ZNF710: variants seen among roughly 807,000 people sequenced by gnomAD.
The protein encoded by ZNF710 is zinc finger protein 710.
A neutral mutation model predicts 50.6 loss-of-function variants in ZNF710; 13 were observed. The ratio of observed to expected loss-of-function variants is 0.26; its 90% CI spans 0.17 to 0.41. ZNF710 has a LOEUF of 0.41. ZNF710 is among the 10% of genes least tolerant of loss of function. ZNF710 has a pLI of 1.00. For synonymous variants in ZNF710, 383 were observed against 397.0 expected, an observed-to-expected ratio of 0.96 and a Z score of 0.42; for missense variants, 721 against 936.6, an observed-to-expected ratio of 0.77 and a Z score of 3.01.
At chr15:90,069,806 G>A (rs1260172383) in intron 2 of ZNF710, among the ~76,000 whole-genome samples, 1 of 151,948 alleles carries the variant, frequency 6.6e-6, no homozygotes, top group Non-Finnish European at 1.5e-5. Flanking sequence ...GCCTTGACCC[G>A]TACTCCCCTG....
chr15:90,054,364 G>T (rs1899742358), intron 1 of ZNF710, among the ~76,000 whole-genome samples: 1 of 152,180 alleles, frequency 6.6e-6, no homozygotes, highest in African/African-American at 2.4e-5. Context: ...TGAGGAGGAA[G>T]GGAAGCCATG....
intron 2 of ZNF710, among the ~76,000 whole-genome samples, chr15:90,070,664 C>A (rs147719147): frequency 6.6e-6 from 1 of 150,406 alleles, no homozygotes; most frequent in Admixed American, 6.6e-5. Context: ...AGAAAAAAAT[C>A]AAAAAATTAG....
At chr15:90,058,721 A>G (rs1899909245) in intron 1 of ZNF710, among the ~76,000 whole-genome samples, 2 of 144,576 alleles carry the variant, frequency 1.4e-5, no homozygotes, top group African/African-American at 5.8e-5. Flanking sequence ...ATATATATAC[A>G]CACATATACA....
At chr15:90,029,894 C>T (rs1157569109) in intron 1 of ZNF710, among the ~76,000 whole-genome samples, 2 of 151,600 alleles carry the variant, frequency 1.3e-5, no homozygotes, top group African/African-American at 2.4e-5. Context: ...GGATTACAGG[C>T]GTGACCCACC....
rs138101490 is a variant in ZNF710, at chr15:90,068,954, G to A, written c.1458+359G>A. On this transcript the variant is annotated intron_variant, in intron 2 of 4. Transcript: ENST00000268154. The surrounding 1 kb of genome is among the most constrained non-coding windows in gnomAD (Gnocchi z 5.0). ...CAAAAAAATTTAAACATGGCTAGGC[G>A]TGATGGCTCATGCCTGTAATCCCAG... Among the ~76,000 whole-genome samples, 1,837 of 151,782 alleles carry A rather than the reference G, an allele frequency of 0.012. 36 individuals are homozygous for A. The highest frequency in any genetic ancestry group is 0.041 in the African/African-American group (1,698 of 41,368).
At position 90,074,275 on chromosome 15, in the gene ZNF710, G is replaced by C; in HGVS notation, c.1810G>C (p.Gly604Arg). 6.2e-7 allele frequency: 1 copy of C among 1,613,426 alleles called. No individual in the cohort carries two copies. Among genetic ancestry groups the C allele is most frequent in the Non-Finnish European group, 8.5e-7 (1 of 1,179,998 alleles). Reference protein sequence around the residue: ...MKVKHGVMDIGLDSQDPMMEL... With the variant: ...MKVKHGVMDIRLDSQDPMMEL... Reference sequence around the variant, plus strand: ...GGTCAAGCATGGCGTCATGGACATCGGCCTGGACAGCCAAGGTGGGTGGGC... The same window carrying C: ...GGTCAAGCATGGCGTCATGGACATCCGCCTGGACAGCCAAGGTGGGTGGGC... The change falls in exon 4 of 5, where the codon GGC becomes CGC. Residue 604 changes from glycine to arginine, a missense_variant. Gly to Arg is a moderately radical substitution (Grantham distance 125). Coordinates refer to ENST00000268154, the MANE Select transcript of ZNF710 (RefSeq NM_198526.4).
rs1241010798 is a variant in ZNF710 at position 90,034,472 on chromosome 15, G to A, written c.-28-32638G>A. On this transcript the variant is annotated intron_variant, in intron 1 of 4. Transcript: ENST00000268154. This position sits in a 1 kb window ranked among gnomAD's most constrained non-coding sequence, Gnocchi z 4.0. ...TGTGTGTGTGTGTGTGTGTGTGTGT[G>A]TGTATTCTGTGCCTGTGGTGGTGGT... is the stretch of plus-strand genomic sequence containing the variant. Among the ~76,000 whole-genome samples, 2 of 135,516 alleles carry A rather than the reference G, an allele frequency of 1.5e-5. No individual in the cohort carries two copies. Among genetic ancestry groups the A allele is most frequent in the African/African-American group, 2.9e-5 (1 of 34,562 alleles). 88.9% of individuals were successfully genotyped at this position (135,516 alleles called of 152,430 possible). A position where few individuals can be genotyped will look rare whatever the true frequency, so the allele number is the denominator to read the frequency against.
chr15:90,013,469 G>T (rs894173673), intron 1 of ZNF710, among the ~76,000 whole-genome samples: 2 of 152,150 alleles, frequency 1.3e-5, no homozygotes, highest in African/African-American at 4.8e-5. Context: ...ATTCTTTGAG[G>T]TATAGGATGA....
rs1296640155 is a variant in ZNF710 at position 90,080,291 on chromosome 15, C to T, written c.*462C>T. ...GCTCCCCTCTGGCCAGTACTGCCCA[C>T]CTCTACCTTGTCCAGGCCCCCTTCC... On this transcript the variant is annotated 3_prime_UTR_variant, in exon 5 of 5. Coordinates refer to ENST00000268154, the MANE Select transcript of ZNF710 (RefSeq NM_198526.4). 4 of 154,862 alleles carry T rather than the reference C, an allele frequency of 2.6e-5. No homozygotes were observed. The highest frequency in any genetic ancestry group is 2.0e-4 in the Admixed American group (3 of 15,324). 9.6% of individuals were successfully genotyped at this position (154,862 alleles called of 1,614,324 possible).
chr15:90,030,889 C>G (rs545075952), intron 1 of ZNF710, among the ~76,000 whole-genome samples: 1 of 151,746 alleles, frequency 6.6e-6, no homozygotes, highest in Non-Finnish European at 1.5e-5. Flanking sequence ...CATGGTGGCG[C>G]GCGCCTGTAG....
intron 1 of ZNF710, among the ~76,000 whole-genome samples, chr15:90,031,543 CTG>C (rs1241428287): frequency 6.6e-6 from 1 of 152,242 alleles, no homozygotes; most frequent in Non-Finnish European, 1.5e-5. Context: ...AACTGTAACT[CTG>C]GTCTCTCAAC....
chr15:90,014,251 G>C (rs1018810068), intron 1 of ZNF710, among the ~76,000 whole-genome samples: 2 of 152,070 alleles, frequency 1.3e-5, no homozygotes, highest in Non-Finnish European at 2.9e-5. Flanking sequence ...CAGTACCATG[G>C]ATCAACTCTT....
chr15:90,015,044 C>G lies in ZNF710; in HGVS notation c.-29+13430C>G, dbSNP rs540630894. ...AGTAGCTGGGATTACAGGCATGCAC[C>G]ACTACCCCAGCTAATTTTGTACTTT... is the stretch of plus-strand genomic sequence containing the variant. On this transcript the variant is annotated intron_variant, in intron 1 of 4. Transcript: ENST00000268154. Among the ~76,000 whole-genome samples, 4 of 152,202 alleles carry G rather than the reference C, an allele frequency of 2.6e-5. No homozygotes were observed. The East Asian group carries it at 7.7e-4, about 29-fold the overall frequency.
chr15:90,019,187 CTTTTTT>C (rs11285838), intron 1 of ZNF710, among the ~76,000 whole-genome samples: 33 of 89,358 alleles, frequency 3.7e-4, no homozygotes, highest in African/African-American at 1.2e-3. Context: ...CTTTTTCTTT[CTTTTTT>C]TTTTTTTTTT....
At position 90,066,546 on chromosome 15, in the gene ZNF710, C is replaced by T. The variant is rs371510467; in HGVS notation, c.-28-564C>T. Reference sequence around the variant, plus strand: ...AGGCTGGAGTGCAGTGGCGCGATCTCGGCTCACTGCAACCTCCGCCTCCCA... The same window carrying T: ...AGGCTGGAGTGCAGTGGCGCGATCTTGGCTCACTGCAACCTCCGCCTCCCA... On this transcript the variant is annotated intron_variant, in intron 1 of 4. Transcript: ENST00000268154. 2.9e-4 allele frequency among the ~76,000 whole-genome samples: 41 copies of T among 142,768 alleles called. No homozygotes were observed. In the East Asian group the frequency reaches 5.0e-3, roughly 17 times the overall value. The allele number at this position is 142,768 out of a possible 152,430, so 93.7% of individuals were successfully genotyped here. A position where few individuals can be genotyped will look rare whatever the true frequency, so the allele number is the denominator to read the frequency against.
intron 1 of ZNF710, among the ~76,000 whole-genome samples, chr15:90,013,038 T>G (rs1230642014): frequency 2.6e-5 from 4 of 152,214 alleles, no homozygotes; most frequent in Non-Finnish European, 5.9e-5. Flanking sequence ...TTCTGCTGAC[T>G]TCCACTCATG....
In ZNF710 at chr15:90,008,432, A is replaced by G. The variant is rs948465280; in HGVS notation, c.-29+6818A>G. On this transcript the variant is annotated intron_variant, in intron 1 of 4. Coordinates refer to ENST00000268154, the MANE Select transcript of ZNF710 (RefSeq NM_198526.4). The stretch of plus-strand genomic sequence containing the variant: ...TACGTGTGTGTGTGTGTGTGTATAT[A>G]TATATATACATATATATATATGTAT... Among the ~76,000 whole-genome samples, 13 of 140,936 alleles carry G rather than the reference A, an allele frequency of 9.2e-5. No individual in the cohort carries two copies. In the East Asian group the frequency reaches 2.5e-3, roughly 28 times the overall value. 92.5% of individuals were successfully genotyped at this position (140,936 alleles called of 152,430 possible).
rs1375793452 is a variant in ZNF710 at position 90,074,284 on chromosome 15, A to T, written c.1819A>T (p.Ser607Cys). The T allele has an allele frequency of 1.9e-6, 3 of 1,613,162 alleles. No individual in the cohort carries two copies. The highest frequency in any genetic ancestry group is 2.5e-6 in the Non-Finnish European group (3 of 1,179,994). ...KHGVMDIGLDSQDPMMELTGT... is the reference protein window; with the variant it reads ...KHGVMDIGLDCQDPMMELTGT... ...TGGCGTCATGGACATCGGCCTGGAC[A>T]GCCAAGGTGGGTGGGCCAAGCGCAA... The change falls in exon 4 of 5, where the codon AGC (serine) becomes TGC (cysteine). Residue 607 changes from serine to cysteine, a missense_variant. Ser to Cys is a moderately radical substitution (Grantham distance 112). This residue lies in a region of ZNF710 where 326 missense variants were observed against 522.0 expected (regional missense o/e 0.62). Transcript: ENST00000268154.
chr15:90,024,203 C>A (rs752634868), intron 1 of ZNF710, among the ~76,000 whole-genome samples: 1 of 152,216 alleles, frequency 6.6e-6, no homozygotes, highest in Non-Finnish European at 1.5e-5. Context: ...GCACTGGGCA[C>A]CCCAGTATCT....
Sources: gnomAD v4.1 joint callset for allele counts (sites outside exome capture counted in the v4.1 genomes callset) on GRCh38, gnomAD v4.1.1 for gene constraint, gnomAD v4.1.1 regional missense constraint, Gnocchi (gnomAD v3.1) non-coding constraint, MANE v1.5 for transcripts, NCBI Gene and HGNC (gene_info 2026-07-23, HGNC 2026-07-21) for gene names.